The following TP53BP1 variants were observed in gnomAD, a reference collection of about 807,000 sequenced individuals.
The protein encoded by TP53BP1 is tumor protein p53 binding protein 1.
Under a neutral mutation model 200.8 loss-of-function variants are expected in TP53BP1, and 61 were observed. The ratio of observed to expected loss-of-function variants is 0.30; its 90% CI spans 0.25 to 0.38. The LOEUF (loss-of-function observed/expected upper bound fraction) is 0.38, where lower values mean the gene tolerates loss of function less well. Among genes scored for constraint, TP53BP1 ranks in the 10% least tolerant of loss-of-function variants. The pLI, the probability that TP53BP1 is intolerant of heterozygous loss-of-function variation, is 1.00. For synonymous variants in TP53BP1, 822 were observed against 844.3 expected (o/e 0.97, Z 0.46); for missense variants, 2,144 against 2,371.9 (o/e 0.90, Z 2.00).
chr15:43,407,274 T>C lies in TP53BP1; in HGVS notation c.*109A>G, dbSNP rs1241534870. On this transcript the variant is annotated 3_prime_UTR_variant, in exon 28 of 28. Coordinates refer to ENST00000382044, the MANE Select transcript of TP53BP1 (RefSeq NM_001141980.3). ...CATAAAAGTTCAGCAAATAAAACTA[T>C]ATACAAGATCCATGCAAGGAATCCA... The C allele has an allele frequency of 3.4e-6, 3 of 888,300 alleles. No homozygotes were observed. Among genetic ancestry groups the C allele is most frequent in the African/African-American group, 3.4e-5 (2 of 59,352 alleles). 55.0% of individuals were successfully genotyped at this position (888,300 alleles called of 1,614,324 possible). A position where few individuals can be genotyped will look rare whatever the true frequency, so the allele number is the denominator to read the frequency against.
chr15:43,426,597 A>G (rs766094144), intron 18 of TP53BP1, among the ~76,000 whole-genome samples: 7 of 152,124 alleles, frequency 4.6e-5, no homozygotes, highest in Non-Finnish European at 1.0e-4. Context: ...AGCCCACTGA[A>G]AAATAGTAAT....
intron 11 of TP53BP1, among the ~76,000 whole-genome samples, chr15:43,467,124 G>T (rs541989313): frequency 9.2e-5 from 14 of 151,682 alleles, no homozygotes; most frequent in African/African-American, 3.2e-4. Flanking sequence ...CATGATCATG[G>T]CTCACTGCAG....
intron 14 of TP53BP1, among the ~76,000 whole-genome samples, chr15:43,444,031 A>C (rs2045988033): frequency 1.3e-5 from 2 of 152,140 alleles, no homozygotes; most frequent in African/African-American, 2.4e-5. Flanking sequence ...CTACTTTGTC[A>C]TTTTGAGTCT....
chr15:43,476,776 C>T (rs771391054), intron 8 of TP53BP1, among the ~76,000 whole-genome samples: 16 of 152,174 alleles, frequency 1.1e-4, no homozygotes, highest in Admixed American at 5.9e-4. Flanking sequence ...TGGTAATTAA[C>T]TCAAGCTTTC....
At position 43,456,894 on chromosome 15, in the gene TP53BP1, T is replaced by A. The variant is rs1239592589; in HGVS notation, c.1714A>T (p.Ile572Phe). 3.1e-6 allele frequency: 5 copies of A among 1,613,972 alleles called. No homozygotes were observed. The highest frequency in any genetic ancestry group is 4.2e-6 in the Non-Finnish European group (5 of 1,180,048). ...SKFVPAENDS[I>F]LMNPAQDGEV... ...CCATCCTGTGCTGGATTCATCAGGA[T>A]ACTATCATTTTCAGCAGGAACAAAT... The change falls in exon 12 of 28, where the codon ATC (isoleucine) becomes TTC (phenylalanine). Residue 572 changes from isoleucine (I) to phenylalanine (F), a missense_variant. Ile to Phe is a conservative substitution (Grantham distance 21). Around this residue, in one of 4 missense-constraint regions of TP53BP1, gnomAD observed 1,700 missense variants for 1,710.3 expected, o/e 0.99. Transcript: ENST00000382044.
chr15:43,506,854 G>T (rs772951665), intron 1 of TP53BP1, among the ~76,000 whole-genome samples: 16 of 152,064 alleles, frequency 1.1e-4, no homozygotes, highest in Non-Finnish European at 2.2e-4. Flanking sequence ...TGATTGGTGG[G>T]AGCCAAGTCT....
intron 10 of TP53BP1, among the ~76,000 whole-genome samples, chr15:43,474,252 G>A (rs1183866249): frequency 2.6e-5 from 4 of 152,132 alleles, no homozygotes; most frequent in South Asian, 2.1e-4. Context: ...GTTGCTGCTC[G>A]CACCTCTCCC....
chr15:43,418,579 G>T (rs1279217045), intron 21 of TP53BP1, among the ~76,000 whole-genome samples: 4 of 151,202 alleles, frequency 2.6e-5, no homozygotes, highest in Non-Finnish European at 4.4e-5. Context: ...AAAGTCCTCA[G>T]AAAGATGTTT....
chr15:43,488,311 A>G (rs2140146445), intron 4 of TP53BP1, among the ~76,000 whole-genome samples: 1 of 151,928 alleles, frequency 6.6e-6, no homozygotes, highest in South Asian at 2.1e-4. Context: ...AAAAAAAAAA[A>G]GCCAATCACT....
chr15:43,492,179 T>A (rs1263271141), intron 2 of TP53BP1, 84 bp from the exon 3 acceptor site: 6 of 1,505,324 alleles, frequency 4.0e-6, no homozygotes, highest in Non-Finnish European at 5.5e-6. Flanking sequence ...ATTTTTCCAA[T>A]CAACTTTATT....
rs960867012 is a variant in TP53BP1 at position 43,474,117 on chromosome 15, C to T, written c.1180+556G>A. On this transcript the variant is annotated intron_variant, in intron 10 of 27. Coordinates refer to ENST00000382044, the MANE Select transcript of TP53BP1 (RefSeq NM_001141980.3). Reference sequence around the variant, plus strand: ...AGTACACCCTCCATAGCCGCTGGCCCGGGTGCTAAGCCCCTCATTGCCCGG... The same window carrying T: ...AGTACACCCTCCATAGCCGCTGGCCTGGGTGCTAAGCCCCTCATTGCCCGG... 2.6e-5 allele frequency among the ~76,000 whole-genome samples: 4 copies of T among 152,210 alleles called. No homozygotes were observed. In the East Asian group the frequency reaches 5.8e-4, roughly 22 times the overall value.
At chr15:43,507,223 T>C (rs1171102494) in intron 1 of TP53BP1, among the ~76,000 whole-genome samples, 6 of 151,840 alleles carry the variant, frequency 4.0e-5, no homozygotes, top group African/African-American at 1.5e-4. Context: ...CAACCTCCAC[T>C]TCCTGGGTTC....
At chr15:43,423,114 C>A (rs781224388) in intron 18 of TP53BP1, among the ~76,000 whole-genome samples, 1 of 146,768 alleles carries the variant, frequency 6.8e-6, no homozygotes, top group Non-Finnish European at 1.5e-5. Context: ...CGGATGCCTA[C>A]TTTGATAAAT....
chr15:43,423,353 A>G (rs2045450064), intron 18 of TP53BP1, among the ~76,000 whole-genome samples: 1 of 151,758 alleles, frequency 6.6e-6, no homozygotes, highest in African/African-American at 2.4e-5. Flanking sequence ...CTTCCCTCAA[A>G]GAGTTTAGAA....
chr15:43,407,015 T>G lies in TP53BP1; in HGVS notation c.*368A>C. The G allele has an allele frequency of 4.2e-6, 1 of 239,132 alleles. No individual in the cohort carries two copies. The highest frequency in any genetic ancestry group is 8.3e-6 in the Non-Finnish European group (1 of 120,548). 14.8% of individuals were successfully genotyped at this position (239,132 alleles called of 1,614,324 possible). ...CTTCACCTACCTTAAACTGAGTTTC[T>G]GCAAGCATAGCATTTTAGACACCCT... is the stretch of plus-strand genomic sequence containing the variant. On this transcript the variant is annotated 3_prime_UTR_variant, in exon 28 of 28. Coordinates refer to ENST00000382044, the MANE Select transcript of TP53BP1 (RefSeq NM_001141980.3).
intron 4 of TP53BP1, among the ~76,000 whole-genome samples, chr15:43,485,779 G>A (rs1052095958): frequency 4.0e-5 from 6 of 151,454 alleles, no homozygotes; most frequent in Non-Finnish European, 8.8e-5. Context: ...GGAGGTGGAA[G>A]TTGCAGTGAG....
intron 1 of TP53BP1, 63 bp downstream of exon 1, chr15:43,492,974 C>A (rs1485288749): frequency 6.2e-6 from 10 of 1,607,958 alleles, no homozygotes; most frequent in Non-Finnish European, 8.5e-6. Context: ...GTCAGCCATC[C>A]CTTCAGACCC....
Position 43,432,664 on chromosome 15 carries a change from G to A in TP53BP1, c.3205C>T (p.His1069Tyr). 6.2e-7 allele frequency: 1 copy of A among 1,602,658 alleles called. No homozygotes were observed. Among genetic ancestry groups the A allele is most frequent in the Non-Finnish European group, 8.5e-7 (1 of 1,173,256 alleles). The change falls in exon 17 of 28, where the codon CAC becomes TAC. Residue 1069 changes from histidine (H) to tyrosine (Y), a missense_variant. Coordinates refer to ENST00000382044, the MANE Select transcript of TP53BP1 (RefSeq NM_001141980.3). The stretch of plus-strand genomic sequence containing the variant: ...TCTTCTCCTTGAGAACTTGGAAAGT[G>A]GAGCAAGTTCCCCCTGAAAATGCAA... ...PTTPIRGNLL[H>Y]FPSSQGEEEK...
intron 17 of TP53BP1, among the ~76,000 whole-genome samples, chr15:43,429,683 G>A (rs970783231): frequency 3.9e-5 from 6 of 152,122 alleles, no homozygotes; most frequent in Non-Finnish European, 7.4e-5. Flanking sequence ...TATGTGACTA[G>A]TTATAAATAA....
Sources: gnomAD v4.1 joint callset for allele counts (sites outside exome capture counted in the v4.1 genomes callset) on GRCh38, gnomAD v4.1.1 for gene constraint, gnomAD v4.1.1 regional missense constraint, MANE v1.5 for transcripts, NCBI Gene and HGNC (gene_info 2026-07-23, HGNC 2026-07-21) for gene names.